XRCC4: variants seen among roughly 807,000 people sequenced by gnomAD.
The protein encoded by XRCC4 is X-ray repair cross complementing 4.
A neutral mutation model predicts 39.1 loss-of-function variants in XRCC4; 28 were observed. The observed-to-expected ratio is 0.72, with a 90% confidence interval of 0.53 to 0.98. The LOEUF (loss-of-function observed/expected upper bound fraction) is 0.98, where lower values mean the gene tolerates loss of function less well. Ranked by LOEUF, XRCC4 falls within the 50% of genes least tolerant of loss-of-function variation. The pLI, the probability that XRCC4 is intolerant of heterozygous loss-of-function variation, is 0.00. For synonymous variants in XRCC4, 123 were observed against 126.4 expected (o/e 0.97, Z 0.18); for missense variants, 350 against 376.4 (o/e 0.93, Z 0.58).
In XRCC4 at chr5:83,303,285, A is replaced by C. The variant is rs567102888; in HGVS notation, c.893+44608A>C. ...TAAAGTACTCTATATTAAGAATCTA[A>C]AGTATATTGTTGCCCTAGCTGTAAA... On this transcript the variant is annotated intron_variant, in intron 7 of 7. Coordinates refer to ENST00000396027, the MANE Select transcript of XRCC4 (RefSeq NM_003401.5). Among the ~76,000 whole-genome samples the C allele has an allele frequency of 1.3e-3, 201 of 152,260 alleles. 2 individuals carry two copies. The highest frequency in any genetic ancestry group is 4.6e-3 in the African/African-American group (191 of 41,558).
At chr5:83,155,558 A>G (rs1748917630) in intron 3 of XRCC4, among the ~76,000 whole-genome samples, 1 of 152,166 alleles carries the variant, frequency 6.6e-6, no homozygotes, top group South Asian at 2.1e-4. Context: ...ACTTAATTCC[A>G]GCACTTGAAG....
chr5:83,275,485 C>T (rs1357512822), intron 7 of XRCC4, among the ~76,000 whole-genome samples: 1 of 151,662 alleles, frequency 6.6e-6, no homozygotes, highest in Non-Finnish European at 1.5e-5. Flanking sequence ...TTAGTAGAGA[C>T]GGGGTTTCAC....
At chr5:83,179,504 C>T (rs969610932) in intron 3 of XRCC4, among the ~76,000 whole-genome samples, 1 of 152,134 alleles carries the variant, frequency 6.6e-6, no homozygotes, top group Non-Finnish European at 1.5e-5. Flanking sequence ...CTGGGGTCAA[C>T]GTTGTAAACA....
At position 83,171,237 on chromosome 5, in the gene XRCC4, T is replaced by C. The variant is rs143296671; in HGVS notation, c.316-24533T>C. On this transcript the variant is annotated intron_variant, in intron 3 of 7. Transcript: ENST00000396027. ...CCAGATTTAAGTTTACAATCTTTTC[T>C]TGCTGATACTTTTGCAAACAACTGA... 1.5e-3 allele frequency among the ~76,000 whole-genome samples: 230 copies of C among 152,262 alleles called. 2 individuals carry two copies. Among genetic ancestry groups the C allele is most frequent in the African/African-American group, 5.4e-3 (225 of 41,554 alleles).
chr5:83,296,881 T>G (rs181665023), intron 7 of XRCC4, among the ~76,000 whole-genome samples: 11 of 151,996 alleles, frequency 7.2e-5, no homozygotes, highest in Non-Finnish European at 1.5e-4. Flanking sequence ...ATAGACAAAT[T>G]ACTAGAAAAA....
chr5:83,083,339 A>G (rs149340810), intron 1 of XRCC4, among the ~76,000 whole-genome samples: 233 of 151,462 alleles, frequency 1.5e-3, no homozygotes, highest in Non-Finnish European at 2.5e-3. Flanking sequence ...TTTTGTTTGA[A>G]TGAATGACTG....
intron 3 of XRCC4, among the ~76,000 whole-genome samples, chr5:83,134,186 A>G (rs1365445473): frequency 1.3e-5 from 2 of 151,986 alleles, no homozygotes; most frequent in Non-Finnish European, 2.9e-5. Context: ...ATTGTCTGGA[A>G]CGAGCTCCCT....
intron 6 of XRCC4, among the ~76,000 whole-genome samples, chr5:83,255,807 A>G (rs1474376379): frequency 6.6e-6 from 1 of 152,204 alleles, no homozygotes; most frequent in African/African-American, 2.4e-5. Context: ...AAGATTCCTG[A>G]GCAGGAATGA....
At chr5:83,173,135 A>G (rs374720335) in intron 3 of XRCC4, among the ~76,000 whole-genome samples, 1 of 152,252 alleles carries the variant, frequency 6.6e-6, no homozygotes, top group African/African-American at 2.4e-5. Context: ...TGCATTACCT[A>G]GAGTATGCCC....
intron 3 of XRCC4, among the ~76,000 whole-genome samples, chr5:83,129,957 A>T (rs963247719): frequency 2.6e-5 from 4 of 151,880 alleles, no homozygotes; most frequent in Non-Finnish European, 5.9e-5. Context: ...AATACCCTTT[A>T]TTTCCTTCTC....
chr5:83,302,314 C>A (rs940233879), intron 7 of XRCC4, among the ~76,000 whole-genome samples: 3 of 151,912 alleles, frequency 2.0e-5, no homozygotes, highest in Non-Finnish European at 4.4e-5. Flanking sequence ...TTTTATGCTT[C>A]AAACCCAGGG....
intron 7 of XRCC4, among the ~76,000 whole-genome samples, chr5:83,310,416 T>C (rs301289): frequency 0.65 from 98,835 of 152,042 alleles, 35,823 homozygotes; most frequent in Non-Finnish European, 0.83. Flanking sequence ...GGGCCAGATA[T>C]GGAGAGGGTG....
At position 83,335,270 on chromosome 5, in the gene XRCC4, A is replaced by G. The variant is rs150759704; in HGVS notation, c.894-17861A>G. 3.1e-4 allele frequency among the ~76,000 whole-genome samples: 47 copies of G among 151,968 alleles called. 1 individual carries two copies. The East Asian group carries it at 6.7e-3, about 22-fold the overall frequency. On this transcript the variant is annotated intron_variant, in intron 7 of 7. Transcript: ENST00000396027. ...AAATATATGGTGGCCTGATATAGCAATCAACTCAATTTTCGTTAAGATAAA... is the reference window on the plus strand; with the variant it reads ...AAATATATGGTGGCCTGATATAGCAGTCAACTCAATTTTCGTTAAGATAAA...
chr5:83,134,836 C>T (rs530505263), intron 3 of XRCC4, among the ~76,000 whole-genome samples: 3 of 152,250 alleles, frequency 2.0e-5, no homozygotes, highest in East Asian at 1.9e-4. Context: ...CCAACAAGAC[C>T]ATGAACCCTC....
intron 3 of XRCC4, among the ~76,000 whole-genome samples, chr5:83,139,320 T>G (rs1376514532): frequency 6.6e-6 from 1 of 152,150 alleles, no homozygotes; most frequent in African/African-American, 2.4e-5. Context: ...ACCATAGAAA[T>G]GATGTTGTAC....
At chr5:83,195,269 T>C (rs1392009403) in intron 3 of XRCC4, among the ~76,000 whole-genome samples, 3 of 152,188 alleles carry the variant, frequency 2.0e-5, no homozygotes, top group Non-Finnish European at 4.4e-5. Context: ...TTATTGTCTT[T>C]AGATAAAAGA....
chr5:83,230,599 G>T (rs980571270), intron 6 of XRCC4, among the ~76,000 whole-genome samples: 1 of 151,892 alleles, frequency 6.6e-6, no homozygotes, highest in African/African-American at 2.4e-5. Context: ...ATAGTTACAT[G>T]GAGAGCTTCC....
intron 6 of XRCC4, among the ~76,000 whole-genome samples, chr5:83,213,201 A>G (rs1751723046): frequency 6.6e-6 from 1 of 152,130 alleles, no homozygotes; most frequent in Non-Finnish European, 1.5e-5. Flanking sequence ...ATTAATTAAC[A>G]GATTCATTGG....
downstream of XRCC4, among the ~76,000 whole-genome samples, chr5:83,356,452 A>G (rs1247603477): frequency 5.3e-5 from 8 of 152,192 alleles, no homozygotes. Context: ...ACAAGTCTAT[A>G]AAGGTCATAA....
Sources: allele counts gnomAD v4.1 joint callset (sites outside exome capture counted in the v4.1 genomes callset), GRCh38; gene constraint gnomAD v4.1.1; transcripts MANE v1.5; gene names NCBI Gene and HGNC (gene_info 2026-07-23, HGNC 2026-07-21).